The following CCDC141 variants were observed in gnomAD, a reference collection of about 807,000 sequenced individuals.
CCDC141 encodes coiled-coil domain-containing protein 141.
A neutral mutation model predicts 181.0 loss-of-function variants in CCDC141; 168 were observed. That is an observed-to-expected ratio of 0.93 (90% CI 0.82 to 1.05). The LOEUF (loss-of-function observed/expected upper bound fraction) is 1.05. Among genes scored for constraint, CCDC141 ranks in the 50% least tolerant of loss-of-function variants. The pLI is 0.00. For missense variants in CCDC141, 1,902 were observed against 1,788.5 expected, an observed-to-expected ratio of 1.06 and a Z score of -1.14; for synonymous variants, 666 against 642.3, an observed-to-expected ratio of 1.04 and a Z score of -0.56.
rs528482766 is a variant in CCDC141, at chr2:178,869,437, C to T, written c.2206-132G>A. On this transcript the variant is annotated intron_variant, in intron 14 of 23. Transcript: ENST00000443758. ...AAATACTTATTATGAATGCCCCCAC[C>T]CTCCAAAATATTTGGGCATTGTGCT... The T allele has an allele frequency of 9.7e-6, 6 of 617,998 alleles. No homozygotes were observed. In the East Asian group the frequency reaches 1.9e-4, roughly 19 times the overall value. The allele number at this position is 617,998 out of a possible 1,614,324, so 38.3% of individuals were successfully genotyped here.
chr2:178,819,141 TTTG>T, the CCDC141 span, among the ~76,000 whole-genome samples: 1 of 152,186 alleles, frequency 6.6e-6, no homozygotes, highest in Admixed American at 6.5e-5. Flanking sequence ...AAAGACGACA[TTTG>T]GAACTACGCA....
intron 2 of CCDC141, among the ~76,000 whole-genome samples, chr2:178,997,437 A>G (rs1692339167): frequency 6.6e-6 from 1 of 152,148 alleles, no homozygotes; most frequent in South Asian, 2.1e-4. Context: ...CACAAACACA[A>G]GTGAGGTACT....
intron 2 of CCDC141, among the ~76,000 whole-genome samples, chr2:179,028,897 C>A (rs1041630723): frequency 2.0e-5 from 3 of 152,132 alleles, no homozygotes; most frequent in Non-Finnish European, 2.9e-5. Flanking sequence ...ATAAAGGCAA[C>A]CTTCGTAAAA....
intron 5 of CCDC141, among the ~76,000 whole-genome samples, chr2:178,953,385 C>T (rs190309941): frequency 3.7e-3 from 559 of 150,942 alleles, no homozygotes; most frequent in Admixed American, 6.5e-3. Flanking sequence ...TGCAGTGAGC[C>T]GAGATTGCAC....
intron 22 of CCDC141, among the ~76,000 whole-genome samples, chr2:178,844,826 T>C (rs1379040227): frequency 6.6e-6 from 1 of 152,230 alleles, no homozygotes; most frequent in Non-Finnish European, 1.5e-5. Flanking sequence ...TTCAGAATAA[T>C]GTTGACTTTG....
At position 178,855,299 on chromosome 2, in the gene CCDC141, T is replaced by A. The variant is rs373726034; in HGVS notation, c.3060+48A>T. 2.0e-3 allele frequency: 3,105 copies of A among 1,520,518 alleles called. 5 individuals carry two copies. The highest frequency in any genetic ancestry group is 2.6e-3 in the Non-Finnish European group (2,934 of 1,121,068). The allele number at this position is 1,520,518 out of a possible 1,614,324, so 94.2% of individuals were successfully genotyped here. A position where few individuals can be genotyped will look rare whatever the true frequency, so the allele number is the denominator to read the frequency against. On this transcript the variant is annotated intron_variant, in intron 19 of 23. Coordinates refer to ENST00000443758, the MANE Select transcript of CCDC141 (RefSeq NM_173648.4). Reference sequence around the variant, plus strand: ...CATTGCTTTAAAGTTGCAAAATGATTTTTGAAAACAACATTACAACATGGA... The same window carrying A: ...CATTGCTTTAAAGTTGCAAAATGATATTTGAAAACAACATTACAACATGGA...
chr2:178,900,634 A>G (rs562319930), intron 8 of CCDC141, among the ~76,000 whole-genome samples: 1 of 152,336 alleles, frequency 6.6e-6, no homozygotes, highest in South Asian at 2.1e-4. Flanking sequence ...CAAACACAGA[A>G]TGTATAAAAA....
At chr2:179,038,241 T>C (rs1386008942) in intron 2 of CCDC141, among the ~76,000 whole-genome samples, 3 of 152,198 alleles carry the variant, frequency 2.0e-5, no homozygotes, top group Admixed American at 6.5e-5. Context: ...AAACATCATA[T>C]GCTAAGTGAA....
chr2:179,019,895 T>C (rs1307507417), intron 2 of CCDC141, among the ~76,000 whole-genome samples: 1 of 152,052 alleles, frequency 6.6e-6, no homozygotes, highest in Admixed American at 6.6e-5. Flanking sequence ...GCCTCCCAAG[T>C]AGCTGGGACT....
At position 178,842,875 on chromosome 2, in the gene CCDC141, G is replaced by A. The variant is rs144682983; in HGVS notation, c.3474+2751C>T. ...GTAAAAGAAAAGGGAACAGAGAGGT[G>A]GTGAAGAAGAACACTAATTTTCTTC... On this transcript the variant is annotated intron_variant, in intron 22 of 23. Transcript: ENST00000443758. Among the ~76,000 whole-genome samples, 119 of 152,272 alleles carry A rather than the reference G, an allele frequency of 7.8e-4. 2 individuals carry two copies. The highest frequency in any genetic ancestry group is 2.8e-3 in the African/African-American group (115 of 41,554).
At chr2:178,919,518 A>G (rs547164335) in intron 6 of CCDC141, among the ~76,000 whole-genome samples, 2 of 152,346 alleles carry the variant, frequency 1.3e-5, no homozygotes, top group South Asian at 4.1e-4. Context: ...ACCTGAATAC[A>G]GGTCACTTCC....
At chr2:178,863,439 A>T (rs1290514289) in intron 17 of CCDC141, among the ~76,000 whole-genome samples, 1 of 152,192 alleles carries the variant, frequency 6.6e-6, no homozygotes, top group East Asian at 1.9e-4. Context: ...AATCAGTATA[A>T]CGTATCATAT....
At position 178,832,487 on chromosome 2, in the gene CCDC141, A is replaced by C. The variant is rs962993019; in HGVS notation, c.*1686T>G. The stretch of plus-strand genomic sequence containing the variant: ...TCTCAAAAAAAAAAAAAAAAAACAA[A>C]AAAAACAAAAAAAAGATAGTTAAGA... On this transcript the variant is annotated 3_prime_UTR_variant, in exon 24 of 24. Coordinates refer to ENST00000443758, the MANE Select transcript of CCDC141 (RefSeq NM_173648.4). 4.6e-5 allele frequency: 7 copies of C among 151,052 alleles called. No individual in the cohort carries two copies. The highest frequency in any genetic ancestry group is 1.0e-4 in the Non-Finnish European group (7 of 67,714). 9.4% of individuals were successfully genotyped at this position (151,052 alleles called of 1,614,324 possible). A position where few individuals can be genotyped will look rare whatever the true frequency, so the allele number is the denominator to read the frequency against.
At chr2:178,907,555 T>C (rs914904739) in intron 7 of CCDC141, among the ~76,000 whole-genome samples, 9 of 152,224 alleles carry the variant, frequency 5.9e-5, no homozygotes, top group African/African-American at 2.4e-5. Context: ...AGAGAAAGGT[T>C]GAGAGATTTC....
At chr2:178,818,099 G>C in the CCDC141 span, among the ~76,000 whole-genome samples, 1 of 152,134 alleles carries the variant, frequency 6.6e-6, no homozygotes, top group East Asian at 1.9e-4. Context: ...CACCGCACCT[G>C]GCCCACATAT....
chr2:178,935,942 TGTTTG>T (rs1233564125), intron 6 of CCDC141, among the ~76,000 whole-genome samples: 1 of 151,252 alleles, frequency 6.6e-6, no homozygotes, highest in Non-Finnish European at 1.5e-5. Context: ...TTAATGGAGT[TGTTTG>T]TTTTTCTCTT....
At chr2:178,982,929 G>C (rs559482021) in intron 2 of CCDC141, among the ~76,000 whole-genome samples, 1 of 152,348 alleles carries the variant, frequency 6.6e-6, no homozygotes, top group East Asian at 1.9e-4. Context: ...GGTAAACAAA[G>C]CAGCCTGGAA....
chr2:178,836,388 A>C (rs1341574636), intron 23 of CCDC141: 6 of 153,226 alleles, frequency 3.9e-5, no homozygotes, highest in Non-Finnish European at 8.7e-5. Context: ...ACATTGAAAA[A>C]ATTTGTAAAA....
intron 21 of CCDC141, among the ~76,000 whole-genome samples, chr2:178,847,083 C>T (rs1243616011): frequency 6.6e-6 from 1 of 152,184 alleles, no homozygotes; most frequent in Non-Finnish European, 1.5e-5. Flanking sequence ...AAAGATAATG[C>T]TGATGCCTAT....
Sources: allele counts gnomAD v4.1 joint callset (sites outside exome capture counted in the v4.1 genomes callset), GRCh38; gene constraint gnomAD v4.1.1; transcripts MANE v1.5; gene names NCBI Gene and HGNC (gene_info 2026-07-23, HGNC 2026-07-21).